The following THSD4 variants were observed in gnomAD, a reference collection of about 807,000 sequenced individuals.
The protein encoded by THSD4 is thrombospondin type-1 domain-containing protein 4.
A neutral mutation model predicts 119.0 loss-of-function variants in THSD4; 69 were observed. The ratio of observed to expected loss-of-function variants is 0.58; its 90% CI spans 0.48 to 0.71. THSD4 has a LOEUF of 0.71. Ranked by LOEUF, THSD4 falls within the 30% of genes least tolerant of loss-of-function variation. THSD4 has a pLI of 0.00. For synonymous variants in THSD4, 524 were observed against 540.4 expected (o/e 0.97, Z 0.42); for missense variants, 1,393 against 1,391.1 (o/e 1.00, Z -0.02).
At chr15:71,467,682 T>G (rs1031930889) in intron 7 of THSD4, among the ~76,000 whole-genome samples, 4 of 152,102 alleles carry the variant, frequency 2.6e-5, no homozygotes, top group African/African-American at 9.6e-5. Context: ...AGGAGAAAGG[T>G]GATATGGTTT....
At chr15:71,765,461 T>C (rs2053699695) in intron 16 of THSD4, among the ~76,000 whole-genome samples, 1 of 152,238 alleles carries the variant, frequency 6.6e-6, no homozygotes, top group African/African-American at 2.4e-5. Context: ...CTGAGGATCT[T>C]GTTTGACAAG....
At chr15:71,299,116 C>T (rs753397583) in intron 6 of THSD4, among the ~76,000 whole-genome samples, 49 of 152,034 alleles carry the variant, frequency 3.2e-4, no homozygotes, top group African/African-American at 9.2e-4. Flanking sequence ...TTAAAAGAGG[C>T]GGGAATGAGG....
Position 71,748,508 on chromosome 15 carries a change from A to G in THSD4, c.2329A>G (p.Asn777Asp). 6.2e-7 allele frequency: 1 copy of G among 1,614,214 alleles called. No homozygotes were observed. Among genetic ancestry groups the G allele is most frequent in the Non-Finnish European group, 8.5e-7 (1 of 1,180,036 alleles). Reference sequence around the variant, plus strand: ...GGATGTGGTTGACGATGAGGAATGCAACATGAAGCTCCGGCCGAATGACAT... The same window carrying G: ...GGATGTGGTTGACGATGAGGAATGCGACATGAAGCTCCGGCCGAATGACAT... ...IGDVVDDEEC[N>D]MKLRPNDIEN... Residue 777 changes from asparagine (N) to aspartate (D), a missense_variant, in exon 14 of 18, where the codon AAC (asparagine) becomes GAC (aspartate). Asn to Asp is a conservative substitution (Grantham distance 23). Transcript: ENST00000261862.
chr15:71,299,982 T>A (rs1344019980), intron 6 of THSD4, among the ~76,000 whole-genome samples: 174 of 129,706 alleles, frequency 1.3e-3, no homozygotes, highest in Non-Finnish European at 1.9e-3. Context: ...AAAAAATATA[T>A]ATATATATAT....
chr15:71,256,603 G>A lies in THSD4; in HGVS notation c.913-10G>A. ...GACACTAATTGCATATTTAATATCT[G>A]CTTTATTAGGTATGTCCAGAAAGCA... is the stretch of plus-strand genomic sequence containing the variant. On this transcript the variant is annotated splice_polypyrimidine_tract_variant and intron_variant, in intron 5 of 17. Transcript: ENST00000261862. 6.2e-7 allele frequency: 1 copy of A among 1,612,734 alleles called. No individual in the cohort carries two copies. Among genetic ancestry groups the A allele is most frequent in the Non-Finnish European group, 8.5e-7 (1 of 1,179,044 alleles).
chr15:71,211,860 A>G (rs1315421277), intron 3 of THSD4, among the ~76,000 whole-genome samples: 1 of 152,182 alleles, frequency 6.6e-6, no homozygotes. Context: ...TCGAGGTTCA[A>G]TTATTTTTGT....
At chr15:71,219,673 G>A (rs1382697632) in intron 4 of THSD4, among the ~76,000 whole-genome samples, 6 of 152,196 alleles carry the variant, frequency 3.9e-5, no homozygotes, top group Non-Finnish European at 8.8e-5. Flanking sequence ...GTTGAAGCAC[G>A]TCTCCTGTGC....
At position 71,633,349 on chromosome 15, in the gene THSD4, C is replaced by T. The variant is rs183477197; in HGVS notation, c.1153-27181C>T. On this transcript the variant is annotated intron_variant, in intron 7 of 17. Transcript: ENST00000261862. ...GAAGTGCAGTGGCGCAATCATAGCT[C>T]ACTGCAGCCTCGACCTACTGGGTTC... 4.7e-4 allele frequency among the ~76,000 whole-genome samples: 67 copies of T among 141,566 alleles called. No individual in the cohort carries two copies. In the East Asian group the frequency reaches 0.011, roughly 23 times the overall value. 92.9% of individuals were successfully genotyped at this position (141,566 alleles called of 152,430 possible). A position where few individuals can be genotyped will look rare whatever the true frequency, so the allele number is the denominator to read the frequency against.
intron 7 of THSD4, among the ~76,000 whole-genome samples, chr15:71,426,278 T>G (rs2046865813): frequency 6.6e-6 from 1 of 152,140 alleles, no homozygotes; most frequent in South Asian, 2.1e-4. Context: ...GGTAACTGTT[T>G]CCAAATGTTG....
chr15:71,228,141 T>C (rs2044033004), intron 4 of THSD4, among the ~76,000 whole-genome samples: 1 of 152,060 alleles, frequency 6.6e-6, no homozygotes. Context: ...GGGAGAGTAT[T>C]CTGGATTATT....
At chr15:71,417,058 C>T (rs1363786772) in intron 7 of THSD4, among the ~76,000 whole-genome samples, 1 of 108,472 alleles carries the variant, frequency 9.2e-6, no homozygotes, top group Non-Finnish European at 2.0e-5. Context: ...TGCACCTGGC[C>T]CTGCCCATTT....
chr15:71,610,308 A>G (rs2050199164), intron 7 of THSD4, among the ~76,000 whole-genome samples: 1 of 152,118 alleles, frequency 6.6e-6, no homozygotes, highest in South Asian at 2.1e-4. Context: ...TGCCATCTTC[A>G]TCTCTCCCCT....
intron 3 of THSD4, among the ~76,000 whole-genome samples, chr15:71,163,621 T>G (rs897408702): frequency 2.0e-5 from 3 of 152,054 alleles, no homozygotes; most frequent in Non-Finnish European, 2.9e-5. Flanking sequence ...CTACTTGGAT[T>G]TATAAAGGGG....
At chr15:71,727,573 TATATATATATATATACACACAC>T (rs1410839397) in intron 8 of THSD4, among the ~76,000 whole-genome samples, 783 of 67,820 alleles carry the variant, frequency 0.012, 16 homozygotes, top group Admixed American at 0.057. Context: ...TATATATATA[TATATATATATATATACACACAC>T]ACACACACAC....
At chr15:71,273,331 T>C (rs1321407959) in intron 6 of THSD4, among the ~76,000 whole-genome samples, 1 of 152,130 alleles carries the variant, frequency 6.6e-6, no homozygotes, top group African/African-American at 2.4e-5. Context: ...TTATGTGGAA[T>C]GTAAAAATTT....
chr15:71,234,965 C>T (rs577080723), intron 4 of THSD4, among the ~76,000 whole-genome samples: 3 of 152,310 alleles, frequency 2.0e-5, no homozygotes, highest in South Asian at 2.1e-4. Flanking sequence ...CTTACAGGCA[C>T]TTGAGAAGGA....
intron 8 of THSD4, among the ~76,000 whole-genome samples, chr15:71,683,452 C>G (rs1200143200): frequency 6.6e-6 from 1 of 152,096 alleles, no homozygotes; most frequent in Admixed American, 6.5e-5. Flanking sequence ...TTACAAAATT[C>G]TACCGGGGAA....
At chr15:71,231,339 C>T (rs1328897224) in intron 4 of THSD4, among the ~76,000 whole-genome samples, 1 of 152,128 alleles carries the variant, frequency 6.6e-6, no homozygotes, top group African/African-American at 2.4e-5. Flanking sequence ...GGGGACAGCC[C>T]CATGGAACTC....
At chr15:71,370,821 A>G (rs1473735977) in intron 6 of THSD4, among the ~76,000 whole-genome samples, 1 of 152,156 alleles carries the variant, frequency 6.6e-6, no homozygotes, top group Non-Finnish European at 1.5e-5. Flanking sequence ...GCTGAGTTCA[A>G]TTCCTGGATA....
Sources: gnomAD v4.1 joint callset for allele counts (sites outside exome capture counted in the v4.1 genomes callset) on GRCh38, gnomAD v4.1.1 for gene constraint, MANE v1.5 for transcripts, NCBI Gene and HGNC (gene_info 2026-07-23, HGNC 2026-07-21) for gene names.